PA2G4: variants seen among roughly 807,000 people sequenced by gnomAD.
The protein encoded by PA2G4 is proliferation-associated protein 2G4.
Under a neutral mutation model 53.3 loss-of-function variants are expected in PA2G4, and 8 were observed. The observed-to-expected ratio is 0.15, with a 90% CI of 0.09 to 0.27. The LOEUF (loss-of-function observed/expected upper bound fraction) is 0.27, where lower values mean the gene tolerates loss of function less well. Among genes scored for constraint, PA2G4 ranks in the 10% least tolerant of loss-of-function variants. PA2G4 has a pLI of 1.00. For synonymous variants in PA2G4, 143 were observed against 169.8 expected, an observed-to-expected ratio of 0.84 and a Z score of 1.23; for missense variants, 208 against 486.8, an observed-to-expected ratio of 0.43 and a Z score of 5.39.
intron 1 of PA2G4, 74 bp downstream of exon 1, chr12:56,104,899 A>G (rs1592234588): frequency 7.6e-7 from 1 of 1,312,914 alleles, no homozygotes; most frequent in Non-Finnish European, 1.1e-6. Flanking sequence ...AAGGGGCTGG[A>G]GCGGAGGGGT....
chr12:56,110,632 C>T lies in PA2G4; in HGVS notation c.782C>T (p.Thr261Ile). The T allele has an allele frequency of 6.2e-7, 1 of 1,614,148 alleles. No homozygotes were observed. Among genetic ancestry groups the T allele is most frequent in the Non-Finnish European group, 8.5e-7 (1 of 1,180,012 alleles). ...PSKQYGLKMKTSRAFFSEVER... is the reference protein window; with the variant it reads ...PSKQYGLKMKISRAFFSEVER... ...AAACAGTATGGACTGAAAATGAAAACTTCACGTGCCTTCTTCAGTGAGGTG... is the reference window on the plus strand; with the variant it reads ...AAACAGTATGGACTGAAAATGAAAATTTCACGTGCCTTCTTCAGTGAGGTG... Residue 261 changes from threonine to isoleucine, a missense_variant, in exon 9 of 13, where the codon ACT becomes ATT. Thr to Ile is a moderately conservative substitution (Grantham distance 89). Coordinates refer to ENST00000303305, the MANE Select transcript of PA2G4 (RefSeq NM_006191.3).
chr12:56,108,303 T>A (rs1363804193), intron 5 of PA2G4, among the ~76,000 whole-genome samples: 1 of 152,160 alleles, frequency 6.6e-6, no homozygotes, highest in Admixed American at 6.5e-5. Flanking sequence ...CTGGGGCAAA[T>A]CATTTAACCT....
chr12:56,106,813 A>C (rs1869312625), intron 2 of PA2G4, 97 bp downstream of exon 2: 3 of 1,465,770 alleles, frequency 2.0e-6, no homozygotes, highest in Non-Finnish European at 2.8e-6. Flanking sequence ...TCCCCACCCC[A>C]GCTCTGGCTG....
intron 4 of PA2G4, 103 bp downstream of exon 4, chr12:56,107,359 T>C: frequency 1.8e-6 from 2 of 1,092,284 alleles, no homozygotes; most frequent in Admixed American, 3.5e-5. Flanking sequence ...GTTGAGAGAG[T>C]CTCTAGAGAA....
At chr12:56,109,180 A>T in intron 5 of PA2G4, 50 bp from the exon 6 acceptor site, 1 of 1,212,372 alleles carries the variant, frequency 8.2e-7, no homozygotes, top group Non-Finnish European at 1.2e-6. Flanking sequence ...CATTGTAGAG[A>T]ACTTATTAGC....
At position 56,104,779 on chromosome 12, in the gene PA2G4, G is replaced by T. The variant is rs1384371556; in HGVS notation, c.42G>T (p.Glu14Asp). ...AGCAACAGGAGCAAACTATCGCTGA[G>T]GACCTGGTCGTGACCAAGTATAAGA... is the stretch of plus-strand genomic sequence containing the variant. The part of the protein sequence containing the change: ...EDEQQEQTIA[E>D]DLVVTKYKMG... The change falls in exon 1 of 13, where the codon GAG becomes GAT. Residue 14 changes from glutamate to aspartate, a missense_variant. Glu to Asp is a conservative substitution (Grantham distance 45). This residue lies in a region of PA2G4 where 15 missense variants were observed against 17.6 expected (regional missense o/e 0.85). Coordinates refer to ENST00000303305, the MANE Select transcript of PA2G4 (RefSeq NM_006191.3). The T allele has an allele frequency of 1.5e-5, 25 of 1,614,046 alleles. No individual in the cohort carries two copies. The highest frequency in any genetic ancestry group is 2.0e-5 in the Non-Finnish European group (24 of 1,180,018).
At chr12:56,111,415 C>A in intron 11 of PA2G4, 61 bp from the exon 12 acceptor site, 1 of 1,603,858 alleles carries the variant, frequency 6.2e-7, no homozygotes, top group Non-Finnish European at 8.5e-7. Context: ...TGAAAGTAAC[C>A]CTTTATTTTT....
intron 12 of PA2G4, among the ~76,000 whole-genome samples, chr12:56,112,579 GA>G: frequency 6.6e-6 from 1 of 152,158 alleles, no homozygotes; most frequent in South Asian, 2.1e-4. Flanking sequence ...GCAACATGGT[GA>G]AACCTCATCT....
intron 4 of PA2G4, 50 bp downstream of exon 4, chr12:56,107,306 C>T: frequency 7.1e-7 from 1 of 1,414,942 alleles, no homozygotes; most frequent in Non-Finnish European, 1.0e-6. Context: ...AGAGGGAATG[C>T]ACTGCCATTT....
At chr12:56,111,108 C>T (rs1237226055) in intron 10 of PA2G4, 50 bp downstream of exon 10, 21 of 1,612,202 alleles carry the variant, frequency 1.3e-5, no homozygotes, top group Admixed American at 1.7e-5. Context: ...ATAAGATATC[C>T]TTCCTGTAAG....
In PA2G4 at chr12:56,104,666, C is replaced by G. The variant is rs748382674; in HGVS notation, c.-72C>G. On this transcript the variant is annotated 5_prime_UTR_variant, in exon 1 of 13. Transcript: ENST00000303305. ...GGATCGAGGGGACTCTGACCACAGC[C>G]TGTGGCTGGGAAGGGAGACAGAGGC... The G allele has an allele frequency of 1.5e-6, 2 of 1,373,618 alleles. No homozygotes were observed. Among genetic ancestry groups the G allele is most frequent in the Admixed American group, 3.3e-5 (2 of 59,772 alleles). The allele number at this position is 1,373,618 out of a possible 1,614,324, so 85.1% of individuals were successfully genotyped here.
In PA2G4 at chr12:56,113,192, A is replaced by G. The variant is rs953555424; in HGVS notation, c.*304A>G. On this transcript the variant is annotated 3_prime_UTR_variant, in exon 13 of 13. Transcript: ENST00000303305. The stretch of plus-strand genomic sequence containing the variant: ...GCCCCTCTTTCTAGCCTTTTCTACT[A>G]CTCTCTGCTTGGTCAAGGTTTGTGC... 4.1e-6 allele frequency: 1 copy of G among 243,690 alleles called. No individual in the cohort carries two copies. The highest frequency in any genetic ancestry group is 7.8e-6 in the Non-Finnish European group (1 of 128,176). 15.1% of individuals were successfully genotyped at this position (243,690 alleles called of 1,614,324 possible). A position where few individuals can be genotyped will look rare whatever the true frequency, so the allele number is the denominator to read the frequency against.
chr12:56,112,762 C>T, intron 12 of PA2G4, 61 bp from the exon 13 acceptor site: 7 of 1,154,224 alleles, frequency 6.1e-6, no homozygotes, highest in Non-Finnish European at 8.9e-6. Flanking sequence ...TCTCTGGTCC[C>T]AGACATCCCC....
intron 1 of PA2G4, chr12:56,105,104 A>C: frequency 1.5e-6 from 1 of 673,714 alleles, no homozygotes; most frequent in Non-Finnish European, 2.7e-6. Flanking sequence ...AGGAGGCAAG[A>C]CGTGTTTTCT....
At chr12:56,107,372 A>T in intron 4 of PA2G4, 116 bp downstream of exon 4, 1 of 1,070,012 alleles carries the variant, frequency 9.3e-7, no homozygotes, top group Non-Finnish European at 1.4e-6. Context: ...CTAGAGAAGC[A>T]AAAGGAGAAA....
At position 56,112,246 on chromosome 12, in the gene PA2G4, G is replaced by A. The variant is rs953553760; in HGVS notation, c.1120-577G>A. Among the ~76,000 whole-genome samples the A allele has an allele frequency of 3.9e-5, 6 of 152,320 alleles. No individual in the cohort carries two copies. In the East Asian group the frequency reaches 1.2e-3, roughly 29 times the overall value. On this transcript the variant is annotated intron_variant, in intron 12 of 12. Transcript: ENST00000303305. ...TGACCTGCTGAGTAGCCACCACCAT[G>A]CCTGGCTCAAAATGGATTTGATGTA...
At chr12:56,111,986 C>T (rs1459962534) in intron 12 of PA2G4, among the ~76,000 whole-genome samples, 1 of 151,926 alleles carries the variant, frequency 6.6e-6, no homozygotes. Flanking sequence ...TGGTGGCACA[C>T]GCTTATAATC....
At chr12:56,106,501 C>T (rs1325107469) in intron 1 of PA2G4, 87 bp from the exon 2 acceptor site, 1 of 1,388,026 alleles carries the variant, frequency 7.2e-7, no homozygotes, top group Non-Finnish European at 9.5e-7. Flanking sequence ...ATTATGGAAA[C>T]TCTTAAATTC....
At position 56,110,602 on chromosome 12, in the gene PA2G4, C is replaced by T; in HGVS notation, c.752C>T (p.Pro251Leu). The change falls in exon 9 of 13, where the codon CCC (proline) becomes CTC (leucine). Residue 251 changes from proline (P) to leucine (L), a missense_variant. By Grantham distance (98) the Pro-to-Leu change is moderately conservative. Coordinates refer to ENST00000303305, the MANE Select transcript of PA2G4 (RefSeq NM_006191.3). ...GQRTTIYKRD[P>L]SKQYGLKMKT... Reference sequence around the variant, plus strand: ...AGAACCACTATTTACAAACGAGACCCCTCTAAACAGTATGGACTGAAAATG... The same window carrying T: ...AGAACCACTATTTACAAACGAGACCTCTCTAAACAGTATGGACTGAAAATG... 6.2e-7 allele frequency: 1 copy of T among 1,614,072 alleles called. No homozygotes were observed. The highest frequency in any genetic ancestry group is 8.5e-7 in the Non-Finnish European group (1 of 1,179,982).
Sources: gnomAD v4.1 joint callset for allele counts (sites outside exome capture counted in the v4.1 genomes callset) on GRCh38, gnomAD v4.1.1 for gene constraint, gnomAD v4.1.1 regional missense constraint, MANE v1.5 for transcripts, NCBI Gene and HGNC (gene_info 2026-07-23, HGNC 2026-07-21) for gene names.